STK32B: variants seen among roughly 807,000 people sequenced by gnomAD.
The protein encoded by STK32B is serine/threonine-protein kinase 32B.
In STK32B, 43 loss-of-function variants were observed where a neutral mutation model predicts 52.6. That is an observed-to-expected ratio of 0.82 (90% CI 0.64 to 1.05). STK32B has a LOEUF of 1.05. Ranked by LOEUF, STK32B falls within the 50% of genes least tolerant of loss-of-function variation. STK32B has a pLI of 0.00. For missense variants in STK32B, 621 were observed against 534.6 expected, an observed-to-expected ratio of 1.16 and a Z score of -1.59; for synonymous variants, 238 against 204.3, an observed-to-expected ratio of 1.17 and a Z score of -1.41.
At chr4:5,217,920 C>G (rs1433049956) in intron 3 of STK32B, among the ~76,000 whole-genome samples, 1 of 152,188 alleles carries the variant, frequency 6.6e-6, no homozygotes, top group Non-Finnish European at 1.5e-5. Flanking sequence ...TACTATGAAC[C>G]TCACAGGATT....
rs554852589 is a variant in STK32B at position 5,322,067 on chromosome 4, CT to C, written c.261-9152del. Among the ~76,000 whole-genome samples the C allele has an allele frequency of 5.6e-3, 841 of 151,020 alleles. 16 individuals carry two copies. The highest frequency in any genetic ancestry group is 0.017 in the Middle Eastern group (5 of 288). On this transcript the variant is annotated intron_variant, in intron 3 of 11. Transcript: ENST00000282908. ...GGGTTGGGCTGGCTGAACACAGTGG[CT>C]CACACCTGTAATCCCAGCACTTTGG...
chr4:5,236,139 G>A (rs546351351), intron 3 of STK32B, among the ~76,000 whole-genome samples: 11 of 152,124 alleles, frequency 7.2e-5, no homozygotes, highest in Middle Eastern at 3.2e-3. Flanking sequence ...AGCATAGCTT[G>A]CACGGGGAAA....
At chr4:5,195,514 G>A (rs1374503897) in intron 3 of STK32B, among the ~76,000 whole-genome samples, 2 of 152,238 alleles carry the variant, frequency 1.3e-5, no homozygotes, top group East Asian at 3.9e-4. Flanking sequence ...CTAACATGGT[G>A]GAATCCTTTC....
At chr4:5,169,176 C>T (rs1294937561) in intron 3 of STK32B, among the ~76,000 whole-genome samples, 1 of 152,164 alleles carries the variant, frequency 6.6e-6, no homozygotes, top group Non-Finnish European at 1.5e-5. Flanking sequence ...TCAGTCTTCT[C>T]CTGTGTTTGA....
At chr4:5,416,763 T>G in intron 5 of STK32B, 82 bp from the exon 6 acceptor site, 1 of 1,160,926 alleles carries the variant, frequency 8.6e-7, no homozygotes. Context: ...CTTCACGGTA[T>G]CTCACCTTGC....
chr4:5,336,557 A>AT (rs147842447), intron 4 of STK32B, among the ~76,000 whole-genome samples: 13 of 152,200 alleles, frequency 8.5e-5, no homozygotes, highest in African/African-American at 2.2e-4. Context: ...AAGAAATAGC[A>AT]TTTTTTTTAA....
intron 11 of STK32B, among the ~76,000 whole-genome samples, chr4:5,491,042 A>G (rs1719690417): frequency 2.6e-5 from 4 of 152,320 alleles, no homozygotes; most frequent in East Asian, 3.9e-4. Context: ...AGACGTGTGC[A>G]TGTGTCTTTA....
intron 4 of STK32B, among the ~76,000 whole-genome samples, chr4:5,364,230 G>A (rs1355969409): frequency 6.6e-6 from 1 of 152,098 alleles, no homozygotes; most frequent in African/African-American, 2.4e-5. Context: ...ATAATTGTTT[G>A]CACAAAAATT....
intron 3 of STK32B, among the ~76,000 whole-genome samples, chr4:5,245,156 C>T (rs1046138534): frequency 6.6e-6 from 1 of 152,122 alleles, no homozygotes; most frequent in African/African-American, 2.4e-5. Flanking sequence ...TCTCGTTGAT[C>T]TGTCTAATGT....
chr4:5,324,015 T>C (rs905275144), intron 3 of STK32B, among the ~76,000 whole-genome samples: 4 of 152,166 alleles, frequency 2.6e-5, no homozygotes, highest in Non-Finnish European at 4.4e-5. Context: ...TTGTAATAAC[T>C]CCTATCTCAA....
At chr4:5,363,619 G>C (rs1041758866) in intron 4 of STK32B, among the ~76,000 whole-genome samples, 7 of 152,190 alleles carry the variant, frequency 4.6e-5, no homozygotes, top group South Asian at 2.1e-4. Context: ...ATGACTTTTA[G>C]ATCAAGACTA....
intron 3 of STK32B, among the ~76,000 whole-genome samples, chr4:5,207,805 G>C (rs1722666618): frequency 6.6e-6 from 1 of 151,728 alleles, no homozygotes; most frequent in Admixed American, 6.6e-5. Flanking sequence ...CCTGCTTTGA[G>C]AGTTCCAAGA....
intron 3 of STK32B, among the ~76,000 whole-genome samples, chr4:5,260,138 T>G (rs1577258955): frequency 6.6e-6 from 1 of 152,316 alleles, no homozygotes. Context: ...CACTAAAATT[T>G]ACAGCTTCAC....
chr4:5,324,937 A>G (rs2108944798), intron 3 of STK32B, among the ~76,000 whole-genome samples: 1 of 152,302 alleles, frequency 6.6e-6, no homozygotes, highest in East Asian at 1.9e-4. Context: ...GGCTTCTTGC[A>G]AGGACCAAAT....
At chr4:5,046,085 G>C in the STK32B span, among the ~76,000 whole-genome samples, 2 of 152,118 alleles carry the variant, frequency 1.3e-5, no homozygotes, top group African/African-American at 2.4e-5. Context: ...AATAAAGCTG[G>C]AGACATCATA....
In STK32B at chr4:5,271,098, C is replaced by T. The variant is rs1330712635; in HGVS notation, c.261-60122C>T. 4.6e-5 allele frequency among the ~76,000 whole-genome samples: 7 copies of T among 151,952 alleles called. 1 individual carries two copies. Among genetic ancestry groups the T allele is most frequent in the Non-Finnish European group, 8.8e-5 (6 of 68,008 alleles). ...GACTGCAGGTGCATGCCACCATGCC[C>T]GGCTAATTTTTGTATTTCTAGTAGA... On this transcript the variant is annotated intron_variant, in intron 3 of 11. Transcript: ENST00000282908.
upstream of STK32B, among the ~76,000 whole-genome samples, chr4:5,048,182 T>G (rs1022217301): frequency 6.6e-6 from 1 of 151,962 alleles, no homozygotes; most frequent in South Asian, 2.1e-4. Context: ...CAGGCTGGAG[T>G]GCAGTGACGC....
Position 5,398,040 on chromosome 4 carries a change from T to A in STK32B, c.435-167T>A, listed in dbSNP as rs1454287741. ...AGAGAAGAGGCGATAAGAACACAGG[T>A]GTCCCATTATCTTACCAATTATTCT... is the stretch of plus-strand genomic sequence containing the variant. On this transcript the variant is annotated intron_variant, in intron 4 of 11. Coordinates refer to ENST00000282908, the MANE Select transcript of STK32B (RefSeq NM_018401.3). This position sits in a 1 kb window ranked among gnomAD's most constrained non-coding sequence, Gnocchi z 4.9. Among the ~76,000 whole-genome samples the A allele has an allele frequency of 1.3e-5, 2 of 152,216 alleles. No individual in the cohort carries two copies. Among genetic ancestry groups the A allele is most frequent in the Admixed American group, 1.3e-4 (2 of 15,276 alleles).
intron 3 of STK32B, among the ~76,000 whole-genome samples, chr4:5,326,932 C>T (rs1731917057): frequency 6.6e-6 from 1 of 152,164 alleles, no homozygotes; most frequent in Non-Finnish European, 1.5e-5. Context: ...AGTCAGTCCT[C>T]TCAAATCCTA....
Sources: gnomAD v4.1 joint callset for allele counts (sites outside exome capture counted in the v4.1 genomes callset) on GRCh38, gnomAD v4.1.1 for gene constraint, Gnocchi (gnomAD v3.1) non-coding constraint, MANE v1.5 for transcripts, NCBI Gene and HGNC (gene_info 2026-07-23, HGNC 2026-07-21) for gene names.